Variants in NEK4 observed in about 807,000 individuals in gnomAD.
The protein encoded by NEK4 is NIMA related kinase 4, also known as serine/threonine-protein kinase Nek4.
A neutral mutation model predicts 98.4 loss-of-function variants in NEK4; 86 were observed. The ratio of observed to expected loss-of-function variants is 0.87; its 90% CI spans 0.73 to 1.05. The LOEUF (loss-of-function observed/expected upper bound fraction) is 1.05, where lower values mean the gene tolerates loss of function less well. Among genes scored for constraint, NEK4 ranks in the 50% least tolerant of loss-of-function variants. NEK4 has a pLI of 0.00. For missense variants in NEK4, 898 were observed against 950.3 expected, an observed-to-expected ratio of 0.94 and a Z score of 0.72; for synonymous variants, 328 against 342.2, an observed-to-expected ratio of 0.96 and a Z score of 0.46.
At chr3:52,768,885 T>A (rs1022395249) in intron 1 of NEK4, among the ~76,000 whole-genome samples, 1 of 152,214 alleles carries the variant, frequency 6.6e-6, no homozygotes, top group Non-Finnish European at 1.5e-5. Context: ...GAGTTCAAGA[T>A]AACATACCAT....
chr3:52,734,787 C>A, intron 15 of NEK4: 1 of 261,652 alleles, frequency 3.8e-6, no homozygotes. Context: ...CCTCCCAAAA[C>A]TGTTGGCATT....
At chr3:52,750,364 A>C (rs2097403011) in intron 7 of NEK4, among the ~76,000 whole-genome samples, 1 of 152,142 alleles carries the variant, frequency 6.6e-6, no homozygotes, top group South Asian at 2.1e-4. Context: ...TCTGGCCAAC[A>C]TGGTGAAACC....
chr3:52,735,350 T>C (rs2097374482), intron 15 of NEK4, among the ~76,000 whole-genome samples: 1 of 152,218 alleles, frequency 6.6e-6, no homozygotes, highest in Admixed American at 6.5e-5. Flanking sequence ...CAATTTGCTA[T>C]AAAAATGTAA....
Position 52,763,056 on chromosome 3 carries a change from G to A in NEK4, c.821+414C>T, listed in dbSNP as rs117882305. Among the ~76,000 whole-genome samples the A allele has an allele frequency of 4.6e-5, 7 of 152,226 alleles. No homozygotes were observed. The East Asian group carries it at 1.4e-3, about 29-fold the overall frequency. ...TGAAACTGAGAGAATTCTATAAACA[G>A]ACCTTATTAAAATAATTCTTATCTT... On this transcript the variant is annotated intron_variant, in intron 5 of 15. Coordinates refer to ENST00000233027, the MANE Select transcript of NEK4 (RefSeq NM_003157.6).
At chr3:52,757,877 C>A (rs2154105968) in intron 6 of NEK4, among the ~76,000 whole-genome samples, 1 of 152,086 alleles carries the variant, frequency 6.6e-6, no homozygotes, top group East Asian at 1.9e-4. Context: ...ACCATGGAGA[C>A]AGAAAGTAGA....
Position 52,768,466 on chromosome 3 carries a change from GA to G in NEK4, c.231del (p.Leu78CysfsTer32), listed in dbSNP as rs1247930511. The G allele has an allele frequency of 6.2e-7, 1 of 1,614,178 alleles. No individual in the cohort carries two copies. The highest frequency in any genetic ancestry group is 1.1e-5 in the South Asian group (1 of 91,070). On this transcript the variant is annotated frameshift_variant, in exon 2 of 16. Coordinates refer to ENST00000233027, the MANE Select transcript of NEK4 (RefSeq NM_003157.6). LOFTEE classifies it high-confidence loss of function. ...TYKESWEGGD[G>X]LLYIVMGFCE... Reference sequence around the variant, plus strand: ...CAGAAGCCCATGACAATGTAGAGCAGACCATCTCCTCCTTCCCATGACTCCT... The same window carrying G: ...CAGAAGCCCATGACAATGTAGAGCAGCCATCTCCTCCTTCCCATGACTCCT...
chr3:52,758,544 G>C (rs1698220510), intron 6 of NEK4, among the ~76,000 whole-genome samples: 1 of 151,754 alleles, frequency 6.6e-6, no homozygotes, highest in East Asian at 1.9e-4. Flanking sequence ...GGGATTCTTA[G>C]CTATGACAAC....
At chr3:52,725,850 AATAAC>A (rs1002775573) in intron 15 of NEK4, among the ~76,000 whole-genome samples, 5 of 152,178 alleles carry the variant, frequency 3.3e-5, no homozygotes, top group Admixed American at 2.6e-4. Flanking sequence ...AAATTAGTAA[AATAAC>A]ATAAGTCCCT....
intron 1 of NEK4, among the ~76,000 whole-genome samples, chr3:52,769,251 C>G (rs1698694449): frequency 6.6e-6 from 1 of 152,000 alleles, no homozygotes; most frequent in Non-Finnish European, 1.5e-5. Flanking sequence ...AAAAGAAATT[C>G]CTTAATATCT....
chr3:52,736,587 TAA>T (rs546567809), intron 15 of NEK4, among the ~76,000 whole-genome samples: 78 of 119,024 alleles, frequency 6.6e-4, no homozygotes, highest in Admixed American at 5.3e-4. Context: ...CTCCGTCTCA[TAA>T]AAAAAAAAAA....
At chr3:52,721,261 T>C (rs1482887136) in intron 15 of NEK4, among the ~76,000 whole-genome samples, 1 of 152,176 alleles carries the variant, frequency 6.6e-6, no homozygotes, top group Non-Finnish European at 1.5e-5. Context: ...ATCACTGAAG[T>C]ACAGATATAG....
chr3:52,711,989 T>A lies in NEK4; in HGVS notation c.2434-120A>T. ...AGGTGGAAACCATACAGGAAAATAC[T>A]AATAGTTCAGTTTACATAAAACTTT... On this transcript the variant is annotated intron_variant, in intron 15 of 15. Coordinates refer to ENST00000233027, the MANE Select transcript of NEK4 (RefSeq NM_003157.6). The A allele has an allele frequency of 7.1e-6, 4 of 564,290 alleles. No homozygotes were observed. In the South Asian group the frequency reaches 1.1e-4, roughly 16 times the overall value. The allele number at this position is 564,290 out of a possible 1,614,324, so 35.0% of individuals were successfully genotyped here.
chr3:52,763,351 C>A (rs1217126707), intron 5 of NEK4, 119 bp downstream of exon 5: 3 of 1,066,138 alleles, frequency 2.8e-6, no homozygotes, highest in Non-Finnish European at 4.1e-6. Flanking sequence ...TGTAATCATG[C>A]CATTTTATTT....
intron 15 of NEK4, among the ~76,000 whole-genome samples, chr3:52,730,094 G>A (rs762166154): frequency 2.6e-5 from 4 of 152,120 alleles, no homozygotes; most frequent in Non-Finnish European, 2.9e-5. Context: ...GTGACAGAGC[G>A]AGACTCTATC....
chr3:52,723,502 A>AC (rs2097361890), intron 15 of NEK4, among the ~76,000 whole-genome samples: 1 of 152,166 alleles, frequency 6.6e-6, no homozygotes, highest in Non-Finnish European at 1.5e-5. Flanking sequence ...TCAGCCTCCC[A>AC]AAGTGCTGGG....
chr3:52,763,370 TAAG>T, intron 5 of NEK4, 97 bp downstream of exon 5: 1 of 1,230,472 alleles, frequency 8.1e-7, no homozygotes, highest in South Asian at 1.6e-5. Context: ...TTCTTGTTTT[TAAG>T]AAAACTCACC....
rs1398794089 is a variant in NEK4, at chr3:52,743,434, C to T, written c.1922G>A (p.Ser641Asn). The T allele has an allele frequency of 6.2e-7, 1 of 1,614,020 alleles. No individual in the cohort carries two copies. The highest frequency in any genetic ancestry group is 8.5e-7 in the Non-Finnish European group (1 of 1,180,022). ...CTGGGGTTTTCCTGGCCCTGCTACACTCAGAGACGCTTTCCTCACTGAAGG... is the reference window on the plus strand; with the variant it reads ...CTGGGGTTTTCCTGGCCCTGCTACATTCAGAGACGCTTTCCTCACTGAAGG... ...SGPSVRKASL[S>N]VAGPGKPQEE... Residue 641 changes from serine to asparagine, a missense_variant, in exon 12 of 16, where the codon AGT becomes AAT. Transcript: ENST00000233027.
Position 52,711,668 on chromosome 3 carries a change from GA to G in NEK4, c.*108del, listed in dbSNP as rs1018026672. Reference sequence around the variant, plus strand: ...AAACGCCAAAGAGATATAAAAAAGAGATATAAAACAGTGGTGAGTGGCTTCC... The same window carrying G: ...AAACGCCAAAGAGATATAAAAAAGAGTATAAAACAGTGGTGAGTGGCTTCC... On this transcript the variant is annotated 3_prime_UTR_variant, in exon 16 of 16. Coordinates refer to ENST00000233027, the MANE Select transcript of NEK4 (RefSeq NM_003157.6). 4.4e-6 allele frequency: 3 copies of G among 674,744 alleles called. No homozygotes were observed. Among genetic ancestry groups the G allele is most frequent in the Non-Finnish European group, 8.0e-6 (3 of 374,290 alleles). 41.8% of individuals were successfully genotyped at this position (674,744 alleles called of 1,614,324 possible).
chr3:52,765,345 C>T (rs1317668641), intron 4 of NEK4, among the ~76,000 whole-genome samples: 10 of 149,198 alleles, frequency 6.7e-5, no homozygotes, highest in Non-Finnish European at 1.0e-4. Context: ...GAGCAAAACT[C>T]CATCTCAAAA....
Sources: allele counts gnomAD v4.1 joint callset (sites outside exome capture counted in the v4.1 genomes callset), GRCh38; gene constraint gnomAD v4.1.1; transcripts MANE v1.5; gene names NCBI Gene and HGNC (gene_info 2026-07-23, HGNC 2026-07-21).